LIPI: variants seen among roughly 807,000 people sequenced by gnomAD.
The protein encoded by LIPI is lipase member I.
Under a neutral mutation model 50.6 loss-of-function variants are expected in LIPI, and 59 were observed. That is an observed-to-expected ratio of 1.16 (90% confidence interval 0.94 to 1.45). LIPI has a LOEUF of 1.45. LIPI is among the 40% of genes most tolerant of loss of function. LIPI has a pLI of 0.00. For missense variants in LIPI, 586 were observed against 536.3 expected (o/e 1.09, Z -0.92); for synonymous variants, 203 against 178.2 (o/e 1.14, Z -1.11).
intron 4 of LIPI, among the ~76,000 whole-genome samples, chr21:14,177,320 G>C (rs1460167312): frequency 6.6e-6 from 1 of 151,654 alleles, no homozygotes; most frequent in Non-Finnish European, 1.5e-5. Context: ...CAAATATTTT[G>C]CTTCCTTGCT....
intron 4 of LIPI, among the ~76,000 whole-genome samples, chr21:14,168,661 T>C (rs549579929): frequency 3.9e-5 from 6 of 152,174 alleles, no homozygotes; most frequent in Non-Finnish European, 8.8e-5. Context: ...GACAAGCAAA[T>C]GCTGAGAGAT....
At chr21:14,112,558 G>A (rs1025988717) in intron 9 of LIPI, among the ~76,000 whole-genome samples, 3 of 151,676 alleles carry the variant, frequency 2.0e-5, no homozygotes, top group African/African-American at 7.3e-5. Context: ...TTACCTTTTT[G>A]ATTAAATTTA....
chr21:14,188,462 G>C (rs1441453431), intron 2 of LIPI, among the ~76,000 whole-genome samples: 1 of 151,196 alleles, frequency 6.6e-6, no homozygotes, highest in Non-Finnish European at 1.5e-5. Flanking sequence ...CAGCTACTCG[G>C]GTGGCTGATG....
chr21:14,150,898 T>C (rs534677158), intron 8 of LIPI, among the ~76,000 whole-genome samples: 1 of 152,306 alleles, frequency 6.6e-6, no homozygotes, highest in African/African-American at 2.4e-5. Context: ...GGAAAACGGA[T>C]AATTGTTACT....
chr21:14,172,684 A>G (rs992060327), intron 4 of LIPI, among the ~76,000 whole-genome samples: 6 of 150,990 alleles, frequency 4.0e-5, no homozygotes, highest in East Asian at 2.0e-4. Context: ...CATGGACACA[A>G]GAAGGGGAAC....
intron 4 of LIPI, among the ~76,000 whole-genome samples, chr21:14,178,788 G>A (rs942108416): frequency 1.3e-5 from 2 of 151,964 alleles, no homozygotes; most frequent in Admixed American, 1.3e-4. Context: ...TGGCTATCTT[G>A]GATGCTAAAC....
chr21:14,125,904 A>AGAT (rs1387790051), intron 9 of LIPI, among the ~76,000 whole-genome samples: 1 of 152,188 alleles, frequency 6.6e-6, no homozygotes, highest in African/African-American at 2.4e-5. Flanking sequence ...TTAAATTAAA[A>AGAT]GATGTAAATA....
chr21:14,138,497 C>T (rs903635832), intron 9 of LIPI, among the ~76,000 whole-genome samples: 1 of 151,946 alleles, frequency 6.6e-6, no homozygotes, highest in African/African-American at 2.4e-5. Context: ...GGCACTCAGA[C>T]TAAAGCTGCA....
At chr21:14,188,567 C>CAAAAAAA (rs577516831) in intron 2 of LIPI, among the ~76,000 whole-genome samples, 5 of 65,960 alleles carry the variant, frequency 7.6e-5, no homozygotes, top group African/African-American at 1.1e-4. Flanking sequence ...GAACCTGTCT[C>CAAAAAAA]AAAAAAAAAA....
chr21:14,125,450 C>T lies in LIPI; in HGVS notation c.1296-16370G>A, dbSNP rs565195584. On this transcript the variant is annotated intron_variant, in intron 9 of 9. Coordinates refer to ENST00000681601, the MANE Select transcript of LIPI (RefSeq NM_001302998.2). The stretch of plus-strand genomic sequence containing the variant: ...AAAGAGATAAAATTTAATCATGAAA[C>T]TACTTGGTTCATCCAAAAAGGCAGA... Among the ~76,000 whole-genome samples the T allele has an allele frequency of 3.3e-5, 5 of 152,228 alleles. No individual in the cohort carries two copies. In the South Asian group the frequency reaches 1.0e-3, roughly 32 times the overall value.
At chr21:14,186,449 T>A (rs2019459565) in intron 2 of LIPI, among the ~76,000 whole-genome samples, 1 of 152,136 alleles carries the variant, frequency 6.6e-6, no homozygotes, top group Non-Finnish European at 1.5e-5. Context: ...TCGTTATGAG[T>A]TATTCATTTT....
At chr21:14,111,150 T>C (rs1600817920) in intron 9 of LIPI, among the ~76,000 whole-genome samples, 2 of 151,998 alleles carry the variant, frequency 1.3e-5, no homozygotes, top group East Asian at 3.9e-4. Flanking sequence ...TTAATGTTTT[T>C]AGGAATTTCC....
chr21:14,188,853 A>C (rs1057381391), intron 2 of LIPI, among the ~76,000 whole-genome samples, 181 bp downstream of exon 2: 2 of 152,186 alleles, frequency 1.3e-5, no homozygotes, highest in Admixed American at 1.3e-4. Flanking sequence ...TTATTCATTT[A>C]GGCAGACAAA....
At chr21:14,209,531 G>T (rs975425949) in intron 1 of LIPI, among the ~76,000 whole-genome samples, 1 of 152,076 alleles carries the variant, frequency 6.6e-6, no homozygotes, top group African/African-American at 2.4e-5. Flanking sequence ...TGAATTTGAG[G>T]ATCAGTAAAA....
intron 1 of LIPI, among the ~76,000 whole-genome samples, chr21:14,194,996 G>A (rs2123306418): frequency 6.6e-6 from 1 of 152,252 alleles, no homozygotes; most frequent in South Asian, 2.1e-4. Context: ...TGTGATTGCT[G>A]AAAGGGAAGC....
intron 9 of LIPI, among the ~76,000 whole-genome samples, chr21:14,121,255 C>T (rs762971653): frequency 1.2e-4 from 19 of 152,162 alleles, no homozygotes; most frequent in Non-Finnish European, 2.2e-4. Context: ...AAACTGCATA[C>T]AGCCTATCAA....
chr21:14,164,944 T>A (rs1214641287), intron 6 of LIPI, among the ~76,000 whole-genome samples: 1 of 152,198 alleles, frequency 6.6e-6, no homozygotes, highest in Non-Finnish European at 1.5e-5. Context: ...GATATTTTTG[T>A]ACATCAGGAA....
chr21:14,134,952 C>A (rs2017435807), intron 9 of LIPI, among the ~76,000 whole-genome samples: 1 of 152,018 alleles, frequency 6.6e-6, no homozygotes, highest in African/African-American at 2.4e-5. Flanking sequence ...CTTAATTAAA[C>A]TAAAAAGCTT....
intron 9 of LIPI, among the ~76,000 whole-genome samples, chr21:14,129,262 T>C (rs1195756223): frequency 1.3e-5 from 2 of 152,004 alleles, no homozygotes; most frequent in African/African-American, 4.8e-5. Flanking sequence ...TTACATATAT[T>C]ATACCACTAA....
Sources: allele counts gnomAD v4.1 joint callset (sites outside exome capture counted in the v4.1 genomes callset), GRCh38; gene constraint gnomAD v4.1.1; transcripts MANE v1.5; gene names NCBI Gene and HGNC (gene_info 2026-07-23, HGNC 2026-07-21).